Variants in STAT3 observed in about 807,000 individuals in gnomAD.
The protein encoded by STAT3 is signal transducer and activator of transcription 3, also known as DNA-binding protein APRF.
In STAT3, 7 loss-of-function variants were observed where a neutral mutation model predicts 114.3. The ratio of observed to expected loss-of-function variants is 0.06; its 90% CI spans 0.03 to 0.11. The LOEUF (loss-of-function observed/expected upper bound fraction) is 0.11. Among genes scored for constraint, STAT3 ranks in the 10% least tolerant of loss-of-function variants. The probability of loss-of-function intolerance (pLI) is 1.00; values close to 1 mark genes in which losing one functional copy is unlikely to be tolerated. For missense variants in STAT3, 364 were observed against 960.9 expected (o/e 0.38, Z 8.21); for synonymous variants, 331 against 354.5 (o/e 0.93, Z 0.74).
chr17:42,340,385 G>C (rs556927041), intron 4 of STAT3, among the ~76,000 whole-genome samples: 12 of 151,564 alleles, frequency 7.9e-5, no homozygotes, highest in Non-Finnish European at 1.2e-4. Context: ...TACAGGCTTG[G>C]GCTAGGCATG....
At chr17:42,353,891 T>A (rs990698488) in intron 1 of STAT3, among the ~76,000 whole-genome samples, 1 of 152,158 alleles carries the variant, frequency 6.6e-6, no homozygotes, top group Non-Finnish European at 1.5e-5. Flanking sequence ...GACTATTTAA[T>A]TATTTGTCTT....
intron 1 of STAT3, among the ~76,000 whole-genome samples, chr17:42,362,665 G>C (rs1214543382): frequency 6.6e-6 from 1 of 152,204 alleles, no homozygotes; most frequent in Non-Finnish European, 1.5e-5. Flanking sequence ...CTATAGAAAG[G>C]GGAGAGAACA....
chr17:42,332,807 C>G (rs961328727), intron 10 of STAT3, among the ~76,000 whole-genome samples: 1 of 151,690 alleles, frequency 6.6e-6, no homozygotes, highest in Non-Finnish European at 1.5e-5. Flanking sequence ...AACACGCACT[C>G]TGGCCTGGCC....
At chr17:42,346,255 T>A (rs3816769) in intron 3 of STAT3, among the ~76,000 whole-genome samples, 1 of 151,970 alleles carries the variant, frequency 6.6e-6, no homozygotes, top group East Asian at 1.9e-4. Context: ...TATCCCATTA[T>A]GGTCAAACAT....
intron 1 of STAT3, among the ~76,000 whole-genome samples, chr17:42,355,090 C>T (rs1211334207): frequency 6.6e-6 from 1 of 152,162 alleles, no homozygotes; most frequent in African/African-American, 2.4e-5. Context: ...AGCAGCTTTA[C>T]TGTAACTGTT....
chr17:42,315,986 G>A, intron 23 of STAT3, 186 bp from the exon 24 acceptor site: 1 of 1,466,744 alleles, frequency 6.8e-7, no homozygotes, highest in Non-Finnish European at 9.0e-7. Flanking sequence ...GCCTCGGGAA[G>A]GGTCCTTTCT....
intron 11 of STAT3, among the ~76,000 whole-genome samples, chr17:42,331,003 A>G (rs1029852262): frequency 2.2e-4 from 34 of 152,246 alleles, no homozygotes; most frequent in African/African-American, 8.2e-4. Context: ...TATTCAGCAC[A>G]GTAACATACT....
At chr17:42,367,930 A>T (rs1398910038) in intron 1 of STAT3, among the ~76,000 whole-genome samples, 1 of 152,272 alleles carries the variant, frequency 6.6e-6, no homozygotes, top group Non-Finnish European at 1.5e-5. Context: ...TTCACTTCAT[A>T]TAACAGCATA....
chr17:42,316,916 G>T lies in STAT3; in HGVS notation c.2145-15C>A. 1 of 1,607,808 alleles carries T rather than the reference G, an allele frequency of 6.2e-7. No homozygotes were observed. The highest frequency in any genetic ancestry group is 1.1e-5 in the South Asian group (1 of 90,820). ...TGCAGGTCGTTCTGTAGGAAATGGGGGGCAGCAGGAGGGGAAACGGGGGGT... is the reference window on the plus strand; with the variant it reads ...TGCAGGTCGTTCTGTAGGAAATGGGTGGCAGCAGGAGGGGAAACGGGGGGT... On this transcript the variant is annotated splice_polypyrimidine_tract_variant and intron_variant, in intron 22 of 23. Transcript: ENST00000264657.
intron 4 of STAT3, among the ~76,000 whole-genome samples, chr17:42,342,308 C>A (rs1021365961): frequency 1.2e-4 from 19 of 152,012 alleles, no homozygotes; most frequent in Admixed American, 5.9e-4. Context: ...TATGGTGAAA[C>A]CCTATCTCAC....
At chr17:42,356,974 G>A (rs917596223) in intron 1 of STAT3, among the ~76,000 whole-genome samples, 1 of 152,050 alleles carries the variant, frequency 6.6e-6, no homozygotes, top group Non-Finnish European at 1.5e-5. Flanking sequence ...TTTTAGTAGA[G>A]ACGGCGCTTC....
At chr17:42,367,904 TACC>T (rs1228332056) in intron 1 of STAT3, among the ~76,000 whole-genome samples, 1 of 152,238 alleles carries the variant, frequency 6.6e-6, no homozygotes, top group East Asian at 1.9e-4. Context: ...AAAACTGAAG[TACC>T]ATAGGAGGTT....
intron 1 of STAT3, among the ~76,000 whole-genome samples, chr17:42,352,777 A>G (rs185305406): frequency 6.6e-6 from 1 of 152,328 alleles, no homozygotes; most frequent in East Asian, 1.9e-4. Flanking sequence ...ATTCTATTGC[A>G]TACAAATTTA....
chr17:42,329,848 T>G, intron 11 of STAT3, 72 bp from the exon 12 acceptor site: 2 of 1,541,370 alleles, frequency 1.3e-6, no homozygotes, highest in Non-Finnish European at 1.8e-6. Flanking sequence ...TGACCACCTG[T>G]TATTTACTGT....
chr17:42,360,388 T>C (rs577906705), intron 1 of STAT3, among the ~76,000 whole-genome samples: 2 of 151,544 alleles, frequency 1.3e-5, no homozygotes, highest in African/African-American at 4.8e-5. Flanking sequence ...CTCACGCCTG[T>C]AATCCCAGCA....
In STAT3 at chr17:42,313,846, C is replaced by A; in HGVS notation, c.*1899G>T. 1 of 232,966 alleles carries A rather than the reference C, an allele frequency of 4.3e-6. No individual in the cohort carries two copies. The highest frequency in any genetic ancestry group is 8.5e-6 in the Non-Finnish European group (1 of 117,546). The allele number at this position is 232,966 out of a possible 1,614,324, so 14.4% of individuals were successfully genotyped here. A position where few individuals can be genotyped will look rare whatever the true frequency, so the allele number is the denominator to read the frequency against. On this transcript the variant is annotated 3_prime_UTR_variant, in exon 24 of 24. Coordinates refer to ENST00000264657, the MANE Select transcript of STAT3 (RefSeq NM_139276.3). Reference sequence around the variant, plus strand: ...GGAGAAGTAAGAGCTCTGCATGACACATCAACTGTCTCCAGGCAGGAGGAC... The same window carrying A: ...GGAGAAGTAAGAGCTCTGCATGACAAATCAACTGTCTCCAGGCAGGAGGAC...
At chr17:42,335,986 G>A (rs181999700) in intron 8 of STAT3, among the ~76,000 whole-genome samples, 2 of 152,304 alleles carry the variant, frequency 1.3e-5, no homozygotes, top group East Asian at 1.9e-4. Context: ...GGGGACCGCT[G>A]CAGGGATTTC....
rs551529584 is a variant in STAT3 at position 42,335,724 on chromosome 17, C to G, written c.798-1675G>C. ...ACTAAAATACAAAAAAATAGCCAGGCATGGTGGCATGGGCCTGTAATCCCA... is the reference window on the plus strand; with the variant it reads ...ACTAAAATACAAAAAAATAGCCAGGGATGGTGGCATGGGCCTGTAATCCCA... On this transcript the variant is annotated intron_variant, in intron 8 of 23. Coordinates refer to ENST00000264657, the MANE Select transcript of STAT3 (RefSeq NM_139276.3). 3.5e-3 allele frequency among the ~76,000 whole-genome samples: 538 copies of G among 152,194 alleles called. 6 individuals carry two copies. The highest frequency in any genetic ancestry group is 0.012 in the African/African-American group (504 of 41,516).
rs573261717 is a variant in STAT3, at chr17:42,323,160, G to C, written c.1749-17C>G. 1 of 1,614,218 alleles carries C rather than the reference G, an allele frequency of 6.2e-7. No homozygotes were observed. Among genetic ancestry groups the C allele is most frequent in the African/African-American group, 1.3e-5 (1 of 75,062 alleles). ...ATGATGTACCTGGAGCCAAGGAGGAGGAACAATGTTGTTATTGCTAACAGG... is the reference window on the plus strand; with the variant it reads ...ATGATGTACCTGGAGCCAAGGAGGACGAACAATGTTGTTATTGCTAACAGG... On this transcript the variant is annotated splice_polypyrimidine_tract_variant and intron_variant, in intron 19 of 23. Transcript: ENST00000264657.
Sources: gnomAD v4.1 joint callset for allele counts (sites outside exome capture counted in the v4.1 genomes callset) on GRCh38, gnomAD v4.1.1 for gene constraint, MANE v1.5 for transcripts, NCBI Gene and HGNC (gene_info 2026-07-23, HGNC 2026-07-21) for gene names.